The following CREB1 variants were observed in gnomAD, a reference collection of about 807,000 sequenced individuals.
CREB1 encodes the protein cAMP responsive element binding protein 1, also known as cyclic AMP-responsive element-binding protein 1.
In CREB1, 2 loss-of-function variants were observed where a neutral mutation model predicts 42.0. That is an observed-to-expected ratio of 0.05 (90% CI 0.02 to 0.15). CREB1 has a LOEUF of 0.15. CREB1 is among the 10% of genes least tolerant of loss of function. The probability of loss-of-function intolerance (pLI) is 1.00; values close to 1 mark genes in which losing one functional copy is unlikely to be tolerated. For missense variants in CREB1, 199 were observed against 388.9 expected (o/e 0.51, Z 4.11); for synonymous variants, 123 against 139.9 (o/e 0.88, Z 0.85).
Position 207,596,665 on chromosome 2 carries a change from T to C in CREB1, c.840-249T>C, listed in dbSNP as rs146713400. Among the ~76,000 whole-genome samples the C allele has an allele frequency of 6.8e-3, 1,036 of 152,324 alleles. 11 individuals are homozygous for C. The highest frequency in any genetic ancestry group is 0.024 in the African/African-American group (994 of 41,568). ...CCAGGCTGATCTTGGACTCCTGACC[T>C]CAGGTGATCTCCCTGCCTTGGCCCC... On this transcript the variant is annotated intron_variant, in intron 7 of 7. Transcript: ENST00000353267.
intron 1 of CREB1, chr2:207,550,578 A>G (rs572475425): frequency 2.0e-5 from 3 of 152,270 alleles, no homozygotes; most frequent in South Asian, 2.1e-4. Context: ...CTAAAGGTCA[A>G]AATATTTTAA....
At chr2:207,591,321 G>C (rs1269115930) in intron 7 of CREB1, among the ~76,000 whole-genome samples, 1 of 152,144 alleles carries the variant, frequency 6.6e-6, no homozygotes, top group East Asian at 1.9e-4. Flanking sequence ...TCTTCTTAGA[G>C]GATAGACCTC....
Position 207,576,746 on chromosome 2 carries a change from ATAT to A in CREB1, c.689-756_689-754del, listed in dbSNP as rs765063040. On this transcript the variant is annotated intron_variant, in intron 6 of 7. Transcript: ENST00000353267. ...CCACTCAAACCATACATTTTAATTGATATTAATAATTAATATGAATAATTTTAT... is the reference window on the plus strand; with the variant it reads ...CCACTCAAACCATACATTTTAATTGATAATAATTAATATGAATAATTTTAT... The A allele has an allele frequency of 1.2e-3, 1,309 of 1,099,654 alleles. 7 individuals are homozygous for A. The highest frequency in any genetic ancestry group is 8.8e-3 in the Middle Eastern group (31 of 3,516). The allele number at this position is 1,099,654 out of a possible 1,614,324, so 68.1% of individuals were successfully genotyped here.
At chr2:207,574,871 G>A (rs965444562) in intron 5 of CREB1, among the ~76,000 whole-genome samples, 70 of 152,160 alleles carry the variant, frequency 4.6e-4, no homozygotes, top group African/African-American at 1.4e-3. Context: ...GTGTATGAAA[G>A]TATATAAGAA....
intron 7 of CREB1, 75 bp downstream of exon 7, chr2:207,577,730 A>G (rs1162218127): frequency 4.5e-6 from 7 of 1,543,960 alleles, no homozygotes; most frequent in Non-Finnish European, 6.2e-6. Flanking sequence ...GTATCTTTAC[A>G]TCTACTGGTA....
At chr2:207,588,435 TATA>T (rs1574964835) in intron 7 of CREB1, among the ~76,000 whole-genome samples, 1 of 152,340 alleles carries the variant, frequency 6.6e-6, no homozygotes, top group East Asian at 1.9e-4. Flanking sequence ...TTGAGTTCTG[TATA>T]ATAAGTCTTG....
chr2:207,543,473 G>A (rs1035296548), intron 1 of CREB1, among the ~76,000 whole-genome samples: 4 of 152,150 alleles, frequency 2.6e-5, no homozygotes, highest in Admixed American at 6.6e-5. Context: ...AAGCTGAGTC[G>A]TGGAGAATTT....
In CREB1 at chr2:207,602,780, A is replaced by AT. The variant is rs1223531205; in HGVS notation, c.*5730dup. On this transcript the variant is annotated 3_prime_UTR_variant, in exon 8 of 8. Coordinates refer to ENST00000353267, the MANE Select transcript of CREB1 (RefSeq NM_004379.5). ...TTAAAAGTGGGAAATAATTGTCAAC[A>AT]TTTTTTTTGAGTATAGATTTATTAG... 4.2e-5 allele frequency: 9 copies of AT among 214,708 alleles called. No individual in the cohort carries two copies. Among genetic ancestry groups the AT allele is most frequent in the Non-Finnish European group, 6.6e-5 (7 of 106,534 alleles). The allele number at this position is 214,708 out of a possible 1,614,324, so 13.3% of individuals were successfully genotyped here. A position where few individuals can be genotyped will look rare whatever the true frequency, so the allele number is the denominator to read the frequency against.
intron 1 of CREB1, among the ~76,000 whole-genome samples, chr2:207,532,470 C>A (rs551148927): frequency 8.6e-5 from 13 of 151,918 alleles, no homozygotes; most frequent in Non-Finnish European, 1.9e-4. Flanking sequence ...GTCAAGAGAT[C>A]GAGACCATCC....
At chr2:207,538,596 A>G (rs537370027) in intron 1 of CREB1, among the ~76,000 whole-genome samples, 1 of 152,320 alleles carries the variant, frequency 6.6e-6, no homozygotes, top group African/African-American at 2.4e-5. Context: ...CGAGGTTTTG[A>G]GAGGATGAGG....
Position 207,594,034 on chromosome 2 carries a change from CTT to C in CREB1, c.840-2877_840-2876del, listed in dbSNP as rs1020566122. Among the ~76,000 whole-genome samples, 22 of 152,198 alleles carry C rather than the reference CTT, an allele frequency of 1.4e-4. No homozygotes were observed. In the East Asian group the frequency reaches 3.5e-3, roughly 24 times the overall value. ...AGCCACCACACCAGCCCTCACAAAC[CTT>C]TTGAGGTAGAAAATATTACCATGTC... On this transcript the variant is annotated intron_variant, in intron 7 of 7. Coordinates refer to ENST00000353267, the MANE Select transcript of CREB1 (RefSeq NM_004379.5).
chr2:207,589,604 CT>C lies in CREB1; in HGVS notation c.840-7309del, dbSNP rs1382189771. On this transcript the variant is annotated intron_variant, in intron 7 of 7. Coordinates refer to ENST00000353267, the MANE Select transcript of CREB1 (RefSeq NM_004379.5). Reference sequence around the variant, plus strand: ...ATAGCTGTAGGGTCTCTGTAAAAAGCTCTTCATTACATTTTTTTAAAAACTC... The same window carrying C: ...ATAGCTGTAGGGTCTCTGTAAAAAGCCTTCATTACATTTTTTTAAAAACTC... Among the ~76,000 whole-genome samples, 9 of 152,242 alleles carry C rather than the reference CT, an allele frequency of 5.9e-5. No individual in the cohort carries two copies. In the South Asian group the frequency reaches 1.0e-3, roughly 18 times the overall value.
intron 3 of CREB1, among the ~76,000 whole-genome samples, chr2:207,566,633 G>A (rs1211577970): frequency 1.3e-5 from 2 of 152,120 alleles, no homozygotes; most frequent in South Asian, 2.1e-4. Flanking sequence ...AATGACAGTG[G>A]CTCCACTACT....
chr2:207,594,410 CTA>C (rs1397562156), intron 7 of CREB1, among the ~76,000 whole-genome samples: 4 of 152,160 alleles, frequency 2.6e-5, no homozygotes, highest in African/African-American at 4.8e-5. Context: ...CTGGCAGCCA[CTA>C]ATGTAAGTCC....
Position 207,603,667 on chromosome 2 carries a change from A to T in CREB1, c.*6609A>T, listed in dbSNP as rs2087526066. The stretch of plus-strand genomic sequence containing the variant: ...GCCTATTTGTGGATTTGGAGATGTT[A>T]CTGTCAAGATGACTAATGGAGACAT... On this transcript the variant is annotated 3_prime_UTR_variant, in exon 8 of 8. Transcript: ENST00000353267. Among the ~76,000 whole-genome samples the T allele has an allele frequency of 6.6e-6, 1 of 152,212 alleles. No homozygotes were observed. Among genetic ancestry groups the T allele is most frequent in the Admixed American group, 6.5e-5 (1 of 15,282 alleles).
At chr2:207,592,451 T>A (rs1374493316) in intron 7 of CREB1, among the ~76,000 whole-genome samples, 1 of 151,688 alleles carries the variant, frequency 6.6e-6, no homozygotes, top group Non-Finnish European at 1.5e-5. Flanking sequence ...TTTAAATGGT[T>A]TCTGACAAGA....
chr2:207,535,581 A>G (rs1057479089), intron 1 of CREB1, among the ~76,000 whole-genome samples: 3 of 151,988 alleles, frequency 2.0e-5, no homozygotes, highest in African/African-American at 7.2e-5. Flanking sequence ...TGAGTTTTAT[A>G]TTTTGTACCT....
intron 1 of CREB1, among the ~76,000 whole-genome samples, chr2:207,532,228 G>C (rs1413585100): frequency 6.6e-6 from 1 of 151,442 alleles, no homozygotes; most frequent in East Asian, 1.9e-4. Flanking sequence ...GGTGGCACGC[G>C]CCTGTAATCC....
chr2:207,545,681 A>G (rs2081275620), intron 1 of CREB1, among the ~76,000 whole-genome samples: 1 of 152,134 alleles, frequency 6.6e-6, no homozygotes, highest in Non-Finnish European at 1.5e-5. Context: ...TTGAAAGGTA[A>G]AGGTTAAGAA....
Sources: gnomAD v4.1 joint callset for allele counts (sites outside exome capture counted in the v4.1 genomes callset) on GRCh38, gnomAD v4.1.1 for gene constraint, MANE v1.5 for transcripts, NCBI Gene and HGNC (gene_info 2026-07-23, HGNC 2026-07-21) for gene names.